ILRUN: variants seen among roughly 807,000 people sequenced by gnomAD.
ILRUN encodes the protein inflammation and lipid regulator with UBA-like and NBR1-like domains, also known as protein ILRUN.
A neutral mutation model predicts 33.8 loss-of-function variants in ILRUN; 3 were observed. The observed-to-expected ratio is 0.09, with a 90% CI of 0.04 to 0.23. ILRUN has a LOEUF of 0.23. ILRUN is among the 10% of genes least tolerant of loss of function. ILRUN has a pLI of 1.00. For synonymous variants in ILRUN, 124 were observed against 138.9 expected, an observed-to-expected ratio of 0.89 and a Z score of 0.75; for missense variants, 210 against 375.1, an observed-to-expected ratio of 0.56 and a Z score of 3.64.
At chr6:34,692,921 T>TA (rs1334328985) in intron 1 of ILRUN, among the ~76,000 whole-genome samples, 1 of 151,626 alleles carries the variant, frequency 6.6e-6, no homozygotes, top group Admixed American at 6.6e-5. Context: ...AAGTAAAAAA[T>TA]AAAAAAATTA....
chr6:34,636,910 G>T (rs1369096914), intron 3 of ILRUN, among the ~76,000 whole-genome samples: 2 of 152,052 alleles, frequency 1.3e-5, no homozygotes, highest in Non-Finnish European at 2.9e-5. Flanking sequence ...TACCTGAAAT[G>T]GTTTCAGCAT....
chr6:34,696,614 G>C lies in ILRUN; in HGVS notation c.-11C>G, dbSNP rs990994401. ...GTCCATGCCCTCCATGGCGGGGACCGGACACCCGCTTCCCCGCCTCTTCAC... is the reference window on the plus strand; with the variant it reads ...GTCCATGCCCTCCATGGCGGGGACCCGACACCCGCTTCCCCGCCTCTTCAC... On this transcript the variant is annotated 5_prime_UTR_variant, in exon 1 of 5. Coordinates refer to ENST00000374023, the MANE Select transcript of ILRUN (RefSeq NM_024294.4). The C allele has an allele frequency of 1.3e-5, 20 of 1,591,102 alleles. No homozygotes were observed. Among genetic ancestry groups the C allele is most frequent in the Non-Finnish European group, 1.5e-5 (18 of 1,171,520 alleles).
intron 1 of ILRUN, among the ~76,000 whole-genome samples, chr6:34,664,746 A>C (rs923588382): frequency 6.6e-6 from 1 of 152,188 alleles, no homozygotes; most frequent in Admixed American, 6.5e-5. Flanking sequence ...GACTGAGAAA[A>C]AGCTATCTTT....
intron 2 of ILRUN, among the ~76,000 whole-genome samples, chr6:34,652,545 G>C (rs1227014845): frequency 6.6e-6 from 1 of 152,086 alleles, no homozygotes; most frequent in East Asian, 1.9e-4. Flanking sequence ...TACATAAAAG[G>C]CTGGTCTAGC....
chr6:34,643,505 T>G (rs1021911012), intron 3 of ILRUN, among the ~76,000 whole-genome samples: 1 of 152,162 alleles, frequency 6.6e-6, no homozygotes, highest in Admixed American at 6.5e-5. Flanking sequence ...CTTCTTTTTG[T>G]TTCCTAGTCT....
intron 1 of ILRUN, among the ~76,000 whole-genome samples, chr6:34,659,103 A>G (rs1762837770): frequency 2.0e-5 from 3 of 152,358 alleles, no homozygotes; most frequent in Admixed American, 2.0e-4. Flanking sequence ...CCTTGCCTTC[A>G]GTGTTTATAC....
intron 4 of ILRUN, among the ~76,000 whole-genome samples, chr6:34,601,537 T>C (rs971504065): frequency 1.3e-5 from 2 of 152,256 alleles, no homozygotes; most frequent in African/African-American, 4.8e-5. Context: ...CTGGTCAAAC[T>C]GCCTGGGCAA....
intron 4 of ILRUN, among the ~76,000 whole-genome samples, chr6:34,606,095 C>T (rs963911975): frequency 6.6e-6 from 1 of 152,186 alleles, no homozygotes; most frequent in African/African-American, 2.4e-5. Context: ...CTCACTTATT[C>T]ACCACATTTG....
chr6:34,623,718 T>C (rs1434789202), intron 3 of ILRUN, among the ~76,000 whole-genome samples: 1 of 152,228 alleles, frequency 6.6e-6, no homozygotes, highest in Non-Finnish European at 1.5e-5. Flanking sequence ...CATTTTGGCA[T>C]TAATGTTGAA....
Position 34,696,434 on chromosome 6 carries a change from G to A in ILRUN, c.158+12C>T. On this transcript the variant is annotated intron_variant, in intron 1 of 4. Coordinates refer to ENST00000374023, the MANE Select transcript of ILRUN (RefSeq NM_024294.4). ...GGCCGCTGCCAGCGCTGGCACTGCG[G>A]GGCCGGCTCACCAGTTGGTCATGTC... The A allele has an allele frequency of 6.4e-7, 1 of 1,551,272 alleles. No homozygotes were observed. Among genetic ancestry groups the A allele is most frequent in the Non-Finnish European group, 8.7e-7 (1 of 1,148,580 alleles).
intron 1 of ILRUN, among the ~76,000 whole-genome samples, chr6:34,687,708 A>AAAAAT (rs1554190347): frequency 7.7e-5 from 11 of 143,330 alleles, no homozygotes; most frequent in African/African-American, 2.4e-4. Flanking sequence ...CAAAAAAAAA[A>AAAAAT]ATATATATAT....
intron 1 of ILRUN, among the ~76,000 whole-genome samples, chr6:34,669,394 G>A (rs892308016): frequency 6.7e-6 from 1 of 150,304 alleles, no homozygotes; most frequent in African/African-American, 2.5e-5. Flanking sequence ...CTCCCAAAGC[G>A]CTGGGATTAA....
chr6:34,590,554 C>G lies in ILRUN; in HGVS notation c.*11G>C, dbSNP rs746739255. On this transcript the variant is annotated 3_prime_UTR_variant, in exon 5 of 5. Transcript: ENST00000374023. Reference sequence around the variant, plus strand: ...TGTCTTTTGTTAATTTTTCTTCTTGCTGACACCCGTTTAAGACTGGCCGAA... The same window carrying G: ...TGTCTTTTGTTAATTTTTCTTCTTGGTGACACCCGTTTAAGACTGGCCGAA... 29 of 1,613,884 alleles carry G rather than the reference C, an allele frequency of 1.8e-5. No homozygotes were observed. Among genetic ancestry groups the G allele is most frequent in the Admixed American group, 5.0e-5 (3 of 60,000 alleles).
At chr6:34,600,259 T>C (rs34374374) in intron 4 of ILRUN, among the ~76,000 whole-genome samples, 26,326 of 152,156 alleles carry the variant, frequency 0.17, 3,151 homozygotes, top group African/African-American at 0.33. Context: ...GTCCCCTGAC[T>C]TCATCTTCTT....
intron 1 of ILRUN, among the ~76,000 whole-genome samples, chr6:34,661,420 T>G (rs1336001444): frequency 6.6e-6 from 1 of 152,184 alleles, no homozygotes; most frequent in Non-Finnish European, 1.5e-5. Flanking sequence ...TTTAAAATGT[T>G]CTGTAAGGGC....
intron 1 of ILRUN, among the ~76,000 whole-genome samples, chr6:34,684,573 TA>T (rs761419098): frequency 2.6e-5 from 4 of 152,160 alleles, no homozygotes; most frequent in African/African-American, 4.8e-5. Context: ...CAAAGGCTGT[TA>T]GGGGGCACTG....
At chr6:34,655,952 AGGCTGGGCTCAGT>A (rs981832144) in intron 1 of ILRUN, among the ~76,000 whole-genome samples, 2 of 152,092 alleles carry the variant, frequency 1.3e-5, no homozygotes, top group Middle Eastern at 3.2e-3. Flanking sequence ...CCATTTGTAA[AGGCTGGGCTCAGT>A]GGCTCACGCC....
At position 34,683,464 on chromosome 6, in the gene ILRUN, A is replaced by G. The variant is rs923453141; in HGVS notation, c.158+12982T>C. On this transcript the variant is annotated intron_variant, in intron 1 of 4. Coordinates refer to ENST00000374023, the MANE Select transcript of ILRUN (RefSeq NM_024294.4). ...TACATATATATATACATATATATAC[A>G]TATATATACACATATATATATACAT... Among the ~76,000 whole-genome samples, 22 of 100,458 alleles carry G rather than the reference A, an allele frequency of 2.2e-4. 1 individual carries two copies. The highest frequency in any genetic ancestry group is 1.1e-3 in the African/African-American group (18 of 16,474). 65.9% of individuals were successfully genotyped at this position (100,458 alleles called of 152,430 possible).
At position 34,637,484 on chromosome 6, in the gene ILRUN, C is replaced by T. The variant is rs1308886121; in HGVS notation, c.511+9117G>A. ...AAGAAGCTTCTGTTTAACAGAAGGG[C>T]GCTGGCTACCATGAGTAAAAAAAGG... On this transcript the variant is annotated intron_variant, in intron 3 of 4. Coordinates refer to ENST00000374023, the MANE Select transcript of ILRUN (RefSeq NM_024294.4). Among the ~76,000 whole-genome samples the T allele has an allele frequency of 5.3e-5, 8 of 152,204 alleles. No homozygotes were observed. In the South Asian group the frequency reaches 1.2e-3, roughly 24 times the overall value.
Sources: allele counts gnomAD v4.1 joint callset (sites outside exome capture counted in the v4.1 genomes callset), GRCh38; gene constraint gnomAD v4.1.1; transcripts MANE v1.5; gene names NCBI Gene and HGNC (gene_info 2026-07-23, HGNC 2026-07-21).